BAIAP2: variants seen among roughly 807,000 people sequenced by gnomAD.
BAIAP2 encodes BAR/IMD domain-containing adapter protein 2.
Under a neutral mutation model 63.0 loss-of-function variants are expected in BAIAP2, and 18 were observed. The observed-to-expected ratio is 0.29, with a 90% CI of 0.20 to 0.42. The LOEUF (loss-of-function observed/expected upper bound fraction) is 0.42, where lower values mean the gene tolerates loss of function less well. BAIAP2 is among the 10% of genes least tolerant of loss of function. BAIAP2 has a pLI of 1.00. For synonymous variants in BAIAP2, 386 were observed against 307.6 expected (o/e 1.25, Z -2.67); for missense variants, 610 against 734.3 (o/e 0.83, Z 1.96).
At chr17:81,114,586 G>GT (rs2060301572) in intron 13 of BAIAP2, among the ~76,000 whole-genome samples, 1 of 152,244 alleles carries the variant, frequency 6.6e-6, no homozygotes, top group Non-Finnish European at 1.5e-5. Flanking sequence ...CCATCTGGGA[G>GT]TCTGGGAGCC....
Position 81,046,068 on chromosome 17 carries a change from G to A in BAIAP2, c.55-7600G>A, listed in dbSNP as rs2047760413. Among the ~76,000 whole-genome samples the A allele has an allele frequency of 6.6e-6, 1 of 152,118 alleles. No individual in the cohort carries two copies. The highest frequency in any genetic ancestry group is 2.4e-5 in the African/African-American group (1 of 41,406). ...GTTTTCTTCTCCCCTCGGCTGTGGG[G>A]ACCCTATTAATACTCACAGGGAGGC... On this transcript the variant is annotated intron_variant, in intron 1 of 13. Transcript: ENST00000428708. This position sits in a 1 kb window ranked among gnomAD's most constrained non-coding sequence, Gnocchi z 4.5.
At chr17:81,104,214 A>G in intron 9 of BAIAP2, 106 bp downstream of exon 9, 2 of 1,251,432 alleles carry the variant, frequency 1.6e-6, no homozygotes, top group South Asian at 2.6e-5. Context: ...CCTGAGGCTC[A>G]CAATTATGTG....
intron 3 of BAIAP2, among the ~76,000 whole-genome samples, chr17:81,066,957 C>A (rs531623880): frequency 6.6e-6 from 1 of 152,258 alleles, no homozygotes; most frequent in South Asian, 2.1e-4. Flanking sequence ...GCTGCCAAGT[C>A]TTCCTGACAG....
intron 6 of BAIAP2, among the ~76,000 whole-genome samples, chr17:81,091,569 G>A (rs142903862): frequency 1.3e-5 from 2 of 152,326 alleles, no homozygotes; most frequent in African/African-American, 2.4e-5. Context: ...GGCGACCATA[G>A]CAGTTGTCCC....
At chr17:81,038,447 A>G (rs1291228533) in intron 1 of BAIAP2, among the ~76,000 whole-genome samples, 1 of 152,214 alleles carries the variant, frequency 6.6e-6, no homozygotes, top group African/African-American at 2.4e-5. Context: ...CTGTCCTAGA[A>G]TATGTGAGGT....
intron 3 of BAIAP2, chr17:81,076,152 G>A (rs72634321): frequency 0.22 from 33,969 of 152,052 alleles, 4,223 homozygotes; most frequent in East Asian, 0.49. Context: ...AGGTCCTGCC[G>A]GGAGGCACAG....
chr17:81,085,397 T>C (rs1430284804), intron 4 of BAIAP2: 2 of 638,798 alleles, frequency 3.1e-6, no homozygotes, highest in Admixed American at 2.2e-5. Context: ...AAGGAGGGGA[T>C]GGCCGTTTGT....
chr17:81,101,615 T>A (rs2145844912), intron 7 of BAIAP2, among the ~76,000 whole-genome samples: 1 of 149,860 alleles, frequency 6.7e-6, no homozygotes, highest in Middle Eastern at 3.5e-3. Flanking sequence ...CACCACACTC[T>A]CATGTACGTG....
intron 3 of BAIAP2, among the ~76,000 whole-genome samples, chr17:81,067,061 G>A (rs1306349681): frequency 2.6e-5 from 4 of 152,268 alleles, no homozygotes; most frequent in Non-Finnish European, 5.9e-5. Flanking sequence ...CAGCACAGCG[G>A]CGCCTGCAGA....
rs1568089689 is a variant in BAIAP2 at position 81,057,976 on chromosome 17, C to CT, written c.217+9_217+10insT. 6 of 183,410 alleles carry CT rather than the reference C, an allele frequency of 3.3e-5. No individual in the cohort carries two copies. Among genetic ancestry groups the CT allele is most frequent in the African/African-American group, 2.9e-4 (5 of 17,164 alleles). 11.4% of individuals were successfully genotyped at this position (183,410 alleles called of 1,614,324 possible). A position where few individuals can be genotyped will look rare whatever the true frequency, so the allele number is the denominator to read the frequency against. On this transcript the variant is annotated intron_variant, in intron 3 of 13. Transcript: ENST00000428708. ...GGGCTCCAAAGAACTCGGTGAGACC[C>CT]CCCCCCCCCCCCCGCCTGGTAGTCG...
At chr17:81,098,264 A>G (rs1352733520) in intron 6 of BAIAP2, 2 of 1,191,750 alleles carry the variant, frequency 1.7e-6, no homozygotes, top group Non-Finnish European at 2.1e-6. Flanking sequence ...ATGGGAGCAC[A>G]GTCCGGGGCC....
rs762949363 is a variant in BAIAP2, at chr17:81,053,728, G to C, written c.115G>C (p.Glu39Gln). 8 of 1,614,016 alleles carry C rather than the reference G, an allele frequency of 5.0e-6. No homozygotes were observed. The highest frequency in any genetic ancestry group is 6.8e-6 in the Non-Finnish European group (8 of 1,180,016). Residue 39 changes from glutamate (E) to glutamine (Q), a missense_variant, in exon 2 of 14, where the codon GAG (glutamate) becomes CAG (glutamine). Around this residue, in one of 5 missense-constraint regions of BAIAP2, gnomAD observed 389 missense variants for 455.6 expected, o/e 0.85. Transcript: ENST00000428708. ...CTTCATCGCCATGGGGAAGAATTAC[G>C]AGAAGGCACTGGCAGGTGGAACTGC... The part of the protein sequence containing the change: ...RNFIAMGKNY[E>Q]KALAGVTYAA...
chr17:81,116,521 A>C lies in BAIAP2; in HGVS notation c.*682A>C. The C allele has an allele frequency of 1.6e-6, 1 of 633,878 alleles. No individual in the cohort carries two copies. The highest frequency in any genetic ancestry group is 2.7e-6 in the Non-Finnish European group (1 of 374,372). The allele number at this position is 633,878 out of a possible 1,614,324, so 39.3% of individuals were successfully genotyped here. ...CAGAACCTTGCTGCCAGGGCCTCCC[A>C]GCTCGCTCCTGCGGCCAAAGGCCAG... is the stretch of plus-strand genomic sequence containing the variant. On this transcript the variant is annotated 3_prime_UTR_variant, in exon 14 of 14. Coordinates refer to ENST00000428708, the MANE Select transcript of BAIAP2 (RefSeq NM_001144888.2).
At chr17:81,080,229 C>T (rs370298945) in intron 3 of BAIAP2, among the ~76,000 whole-genome samples, 25 of 152,240 alleles carry the variant, frequency 1.6e-4, no homozygotes, top group African/African-American at 5.5e-4. Context: ...CTCATGCTCC[C>T]GGCTGGGGCG....
At chr17:81,084,733 ACAGGGCTTCCCTGG>A in intron 3 of BAIAP2, 85 bp from the exon 4 acceptor site, 2 of 1,229,286 alleles carry the variant, frequency 1.6e-6, no homozygotes, top group South Asian at 2.4e-5. Context: ...GCCTGTGGTC[ACAGGGCTTCCCTGG>A]GTGGCTGTCA....
rs1358085961 is a variant in BAIAP2, at chr17:81,116,508, G to T, written c.*669G>T. On this transcript the variant is annotated 3_prime_UTR_variant, in exon 14 of 14. Coordinates refer to ENST00000428708, the MANE Select transcript of BAIAP2 (RefSeq NM_001144888.2). ...CCAACCTCCCATCCAGAACCTTGCT[G>T]CCAGGGCCTCCCAGCTCGCTCCTGC... 1.5e-6 allele frequency: 1 copy of T among 678,884 alleles called. No homozygotes were observed. The highest frequency in any genetic ancestry group is 2.4e-6 in the Non-Finnish European group (1 of 413,898). The allele number at this position is 678,884 out of a possible 1,614,324, so 42.1% of individuals were successfully genotyped here.
In BAIAP2 at chr17:81,109,058, G is replaced by A. The variant is rs761788268; in HGVS notation, c.1535+549G>A. On this transcript the variant is annotated intron_variant, in intron 13 of 13. Coordinates refer to ENST00000428708, the MANE Select transcript of BAIAP2 (RefSeq NM_001144888.2). ...GCTTCCGCGCCTTCCCCCTGGTCTC[G>A]TCCGTTTTCCTCCTCAGCTCTCGCT... 120 of 1,515,982 alleles carry A rather than the reference G, an allele frequency of 7.9e-5. 1 individual carries two copies. The highest frequency in any genetic ancestry group is 2.4e-4 in the South Asian group (20 of 81,644). 93.9% of individuals were successfully genotyped at this position (1,515,982 alleles called of 1,614,324 possible).
intron 13 of BAIAP2, chr17:81,108,832 T>C: frequency 7.3e-7 from 1 of 1,362,818 alleles, no homozygotes; most frequent in Non-Finnish European, 9.8e-7. Flanking sequence ...GCTCCGCCCT[T>C]GTCCTGGGTC....
intron 5 of BAIAP2, 61 bp downstream of exon 5, chr17:81,085,786 C>T: frequency 7.6e-7 from 1 of 1,315,068 alleles, no homozygotes; most frequent in South Asian, 1.2e-5. Context: ...CTCCCAAATG[C>T]CTGCCACTCC....
Sources: allele counts gnomAD v4.1 joint callset (sites outside exome capture counted in the v4.1 genomes callset), GRCh38; gene constraint gnomAD v4.1.1; regional missense constraint gnomAD v4.1.1; non-coding constraint Gnocchi (gnomAD v3.1); transcripts MANE v1.5; gene names NCBI Gene and HGNC (gene_info 2026-07-23, HGNC 2026-07-21).